PRLR: variants seen among roughly 807,000 people sequenced by gnomAD.
PRLR encodes the protein prolactin receptor.
PRLR carries 13 observed loss-of-function variants against 40.2 expected under a neutral mutation model. The ratio of observed to expected loss-of-function variants is 0.32; its 90% CI spans 0.21 to 0.51. PRLR has a LOEUF of 0.51. Ranked by LOEUF, PRLR falls within the 20% of genes least tolerant of loss-of-function variation. The pLI is 0.97. For missense variants in PRLR, 656 were observed against 747.3 expected (o/e 0.88, Z 1.42); for synonymous variants, 269 against 278.7 (o/e 0.97, Z 0.35).
intron 1 of PRLR, among the ~76,000 whole-genome samples, chr5:35,209,903 A>G (rs1327688822): frequency 6.6e-6 from 1 of 152,194 alleles, no homozygotes; most frequent in Non-Finnish European, 1.5e-5. Flanking sequence ...TATTCTCAAA[A>G]GAGTAGCCTG....
At chr5:35,139,483 A>G (rs533981643) in intron 1 of PRLR, among the ~76,000 whole-genome samples, 2 of 152,342 alleles carry the variant, frequency 1.3e-5, no homozygotes, top group South Asian at 4.1e-4. Context: ...TAAACAAAGA[A>G]AAAAGTTCCT....
chr5:35,142,511 G>A (rs1283894725), intron 1 of PRLR, among the ~76,000 whole-genome samples: 1 of 152,222 alleles, frequency 6.6e-6, no homozygotes, highest in Non-Finnish European at 1.5e-5. Context: ...TAAAGAAACA[G>A]TCTTGATTGC....
chr5:35,174,809 A>G (rs1775099437), intron 1 of PRLR, among the ~76,000 whole-genome samples: 1 of 152,106 alleles, frequency 6.6e-6, no homozygotes, highest in African/African-American at 2.4e-5. Context: ...AGCTTCTGGG[A>G]GGAAATGTTG....
Position 35,068,242 on chromosome 5 carries a change from T to C in PRLR, c.829A>G (p.Lys277Glu), listed in dbSNP as rs765665990. ...IFPPVPGPKI[K>E]GFDAHLLEKG... ...TCCAACAGATGAGCATCAAATCCTT[T>C]TATTTTTGGCCCAGGAACTGGCGGA... The change falls in exon 9 of 10, where the codon AAA (lysine) becomes GAA (glutamate). Residue 277 changes from lysine (K) to glutamate (E), a missense_variant. By Grantham distance (56) the Lys-to-Glu change is moderately conservative. This residue lies in a region of PRLR where 469 missense variants were observed against 491.5 expected (regional missense o/e 0.95). Transcript: ENST00000618457. 5 of 1,613,468 alleles carry C rather than the reference T, an allele frequency of 3.1e-6. No individual in the cohort carries two copies. The highest frequency in any genetic ancestry group is 1.7e-4 in the Middle Eastern group (1 of 6,060).
intron 2 of PRLR, among the ~76,000 whole-genome samples, chr5:35,108,114 C>A (rs1442752255): frequency 6.6e-6 from 1 of 151,974 alleles, no homozygotes; most frequent in East Asian, 1.9e-4. Flanking sequence ...ACAGAACCAA[C>A]AACAAAAACC....
intron 1 of PRLR, among the ~76,000 whole-genome samples, chr5:35,135,787 C>A (rs949181341): frequency 6.6e-6 from 1 of 152,174 alleles, no homozygotes; most frequent in Admixed American, 6.5e-5. Flanking sequence ...CTGCCTTGGG[C>A]AGCCATGTTT....
chr5:35,223,469 G>A (rs1236173422), intron 1 of PRLR, among the ~76,000 whole-genome samples: 1 of 152,110 alleles, frequency 6.6e-6, no homozygotes, highest in Non-Finnish European at 1.5e-5. Context: ...CTCAGATCTG[G>A]AGCCACTGGA....
intron 4 of PRLR, 104 bp downstream of exon 4, chr5:35,086,104 G>A: frequency 7.2e-7 from 1 of 1,392,466 alleles, no homozygotes; most frequent in Non-Finnish European, 1.0e-6. Context: ...GAACCTTACT[G>A]GTGTAAATTC....
At chr5:35,077,411 C>G (rs1770183074) in intron 5 of PRLR, among the ~76,000 whole-genome samples, 1 of 152,136 alleles carries the variant, frequency 6.6e-6, no homozygotes, top group Non-Finnish European at 1.5e-5. Flanking sequence ...ATCCTACTCT[C>G]TGAGGAAACA....
At chr5:35,200,624 A>C (rs1046739845) in intron 1 of PRLR, among the ~76,000 whole-genome samples, 3 of 152,172 alleles carry the variant, frequency 2.0e-5, no homozygotes, top group African/African-American at 7.2e-5. Context: ...GGATTGAAGG[A>C]AGAGCCTAGG....
intron 1 of PRLR, among the ~76,000 whole-genome samples, chr5:35,210,226 A>T (rs555299918): frequency 2.6e-5 from 4 of 152,140 alleles, no homozygotes; most frequent in African/African-American, 4.8e-5. Flanking sequence ...TGTCCTTACC[A>T]TACTTATAAA....
chr5:35,105,382 G>A (rs116377393), intron 2 of PRLR, among the ~76,000 whole-genome samples: 4,790 of 152,320 alleles, frequency 0.031, 96 homozygotes, highest in Non-Finnish European at 0.047. Context: ...TGATGTTGAC[G>A]AGTTGACAGA....
chr5:35,100,434 T>A (rs1037013344), intron 2 of PRLR, among the ~76,000 whole-genome samples: 1 of 152,176 alleles, frequency 6.6e-6, no homozygotes, highest in Non-Finnish European at 1.5e-5. Context: ...GTAAGTACCC[T>A]TTACAGGTGT....
At chr5:35,090,750 CAACAGTAGAG>C (rs1771144747) in intron 2 of PRLR, among the ~76,000 whole-genome samples, 1 of 142,298 alleles carries the variant, frequency 7.0e-6, no homozygotes, top group Non-Finnish European at 1.5e-5. Context: ...GAAACGATAG[CAACAGTAGAG>C]GTTTGGGCAC....
intron 2 of PRLR, among the ~76,000 whole-genome samples, chr5:35,116,366 T>A (rs186919929): frequency 6.6e-6 from 1 of 152,202 alleles, no homozygotes; most frequent in Non-Finnish European, 1.5e-5. Flanking sequence ...TGGTGACCTG[T>A]TTGCTGTAAA....
intron 1 of PRLR, among the ~76,000 whole-genome samples, chr5:35,179,143 C>T (rs1398131082): frequency 1.3e-5 from 2 of 152,212 alleles, no homozygotes; most frequent in African/African-American, 4.8e-5. Flanking sequence ...TCACTACATA[C>T]AGGCTGATCT....
intron 3 of PRLR, among the ~76,000 whole-genome samples, chr5:35,087,721 A>G (rs997925414): frequency 6.6e-6 from 1 of 152,072 alleles, no homozygotes; most frequent in Admixed American, 6.5e-5. Context: ...AAAATTTTTT[A>G]GTTGCCAAAT....
Position 35,064,094 on chromosome 5 carries a change from T to C in PRLR, c.*995A>G, listed in dbSNP as rs1769201710. ...CACATTATAACCTTGCAGCAGAAAA[T>C]ACTGTACCCACTGAATACATAAACA... On this transcript the variant is annotated 3_prime_UTR_variant, in exon 10 of 10. Coordinates refer to ENST00000618457, the MANE Select transcript of PRLR (RefSeq NM_000949.7). 1 of 152,156 alleles carries C rather than the reference T, an allele frequency of 6.6e-6. No individual in the cohort carries two copies. The highest frequency in any genetic ancestry group is 2.1e-4 in the South Asian group (1 of 4,830). 9.4% of individuals were successfully genotyped at this position (152,156 alleles called of 1,614,324 possible). A position where few individuals can be genotyped will look rare whatever the true frequency, so the allele number is the denominator to read the frequency against.
exon 9 of PRLR, chr5:35,048,881 C>T (rs60048323): frequency 3.1e-6 from 1 of 326,310 alleles, no homozygotes; most frequent in Non-Finnish European, 6.1e-6. Context: ...AGTGACAAAG[C>T]TGATTGCAAC....
Sources: allele counts gnomAD v4.1 joint callset (sites outside exome capture counted in the v4.1 genomes callset), GRCh38; gene constraint gnomAD v4.1.1; regional missense constraint gnomAD v4.1.1; transcripts MANE v1.5; gene names NCBI Gene and HGNC (gene_info 2026-07-23, HGNC 2026-07-21).